Variants in ZNF84 observed in about 807,000 individuals in gnomAD.
ZNF84 encodes zinc finger protein 84.
ZNF84 carries 12 observed loss-of-function variants against 14.8 expected under a neutral mutation model. The ratio of observed to expected loss-of-function variants is 0.81; its 90% confidence interval spans 0.52 to 1.31. ZNF84 has a LOEUF of 1.31. Ranked by LOEUF, ZNF84 falls within the 50% of genes most tolerant of loss-of-function variation. The probability of loss-of-function intolerance (pLI) is 0.00; values close to 1 mark genes in which losing one functional copy is unlikely to be tolerated. For synonymous variants in ZNF84, 347 were observed against 291.1 expected (o/e 1.19, Z -1.96); for missense variants, 859 against 878.6 (o/e 0.98, Z 0.28).
chr12:133,051,123 TG>T (rs369511742), intron 4 of ZNF84, among the ~76,000 whole-genome samples: 10 of 149,578 alleles, frequency 6.7e-5, no homozygotes, highest in South Asian at 2.1e-4. Context: ...TTTTTTTTTT[TG>T]TTTTATGTGG....
In ZNF84 at chr12:133,058,571, G is replaced by C; in HGVS notation, c.1856G>C (p.Arg619Thr). 6.2e-7 allele frequency: 1 copy of C among 1,614,028 alleles called. No individual in the cohort carries two copies. The highest frequency in any genetic ancestry group is 8.5e-7 in the Non-Finnish European group (1 of 1,179,986). The change falls in exon 5 of 5, where the codon AGA becomes ACA. Residue 619 changes from arginine (R) to threonine (T), a missense_variant. Coordinates refer to ENST00000539354, the MANE Select transcript of ZNF84 (RefSeq NM_001289971.2). Reference sequence around the variant, plus strand: ...AAGTCGGAGCTAATTAGACATCTGAGAACTCATACAGGAGAAAAACCTTAT... The same window carrying C: ...AAGTCGGAGCTAATTAGACATCTGACAACTCATACAGGAGAAAAACCTTAT... Reference protein sequence around the residue: ...FEKSELIRHLRTHTGEKPYEC... With the variant: ...FEKSELIRHLTTHTGEKPYEC...
At chr12:133,056,150 TTTTC>T (rs1954153735) in intron 4 of ZNF84, among the ~76,000 whole-genome samples, 1 of 152,230 alleles carries the variant, frequency 6.6e-6, no homozygotes, top group Non-Finnish European at 1.5e-5. Flanking sequence ...AATATTTTCA[TTTTC>T]TTCTTAGTAT....
chr12:133,050,958 G>T (rs1188871134), intron 4 of ZNF84, among the ~76,000 whole-genome samples: 5 of 152,156 alleles, frequency 3.3e-5, no homozygotes, highest in African/African-American at 1.2e-4. Context: ...GTCTTGGTCT[G>T]TTGCCCAGGT....
intron 2 of ZNF84, among the ~76,000 whole-genome samples, chr12:133,047,141 T>C (rs1277214758): frequency 2.0e-5 from 3 of 151,702 alleles, no homozygotes; most frequent in Non-Finnish European, 4.4e-5. Context: ...AGTGCCAAAT[T>C]TGAGGTTCAG....
rs1954183146 is a variant in ZNF84 at position 133,057,611 on chromosome 12, C to T, written c.896C>T (p.Ala299Val). The change falls in exon 5 of 5, where the codon GCC becomes GTC. Residue 299 changes from alanine to valine, a missense_variant. Ala to Val is a moderately conservative substitution (Grantham distance 64). Transcript: ENST00000539354. ...TATGAGTGTGGTGAATGTGGGAAAGCCTTCTCCCGGAAGTCACATCTCATA... is the reference window on the plus strand; with the variant it reads ...TATGAGTGTGGTGAATGTGGGAAAGTCTTCTCCCGGAAGTCACATCTCATA... ...KPYECGECGK[A>V]FSRKSHLISH... 2.5e-6 allele frequency: 4 copies of T among 1,614,040 alleles called. No homozygotes were observed. The highest frequency in any genetic ancestry group is 1.7e-5 in the Admixed American group (1 of 59,994).
intron 2 of ZNF84, among the ~76,000 whole-genome samples, chr12:133,043,503 ATTTCATTGGGAG>A (rs1953922186): frequency 6.6e-6 from 1 of 152,128 alleles, no homozygotes; most frequent in African/African-American, 2.4e-5. Context: ...TAGATGGATT[ATTTCATTGGGAG>A]TTGCAAAATG....
Position 133,057,904 on chromosome 12 carries a change from C to T in ZNF84, c.1189C>T (p.His397Tyr). The change falls in exon 5 of 5, where the codon CAT becomes TAT. Residue 397 changes from histidine to tyrosine, a missense_variant. Coordinates refer to ENST00000539354, the MANE Select transcript of ZNF84 (RefSeq NM_001289971.2). ...AGAGCTTATTAGACATCAGACAATTCATACTGGAGAGAAACCCTATGAATG... is the reference window on the plus strand; with the variant it reads ...AGAGCTTATTAGACATCAGACAATTTATACTGGAGAGAAACCCTATGAATG... Reference protein sequence around the residue: ...KSELIRHQTIHTGEKPYECSE... With the variant: ...KSELIRHQTIYTGEKPYECSE... 6.2e-7 allele frequency: 1 copy of T among 1,614,146 alleles called. No individual in the cohort carries two copies. The highest frequency in any genetic ancestry group is 1.3e-5 in the African/African-American group (1 of 75,058).
chr12:133,047,923 G>A, intron 2 of ZNF84, 32 bp from the exon 3 acceptor site: 4 of 1,612,050 alleles, frequency 2.5e-6, no homozygotes, highest in South Asian at 1.1e-5. Context: ...GGTGTTAACT[G>A]CTTCAGATTT....
chr12:133,050,180 C>T (rs1954048117), intron 4 of ZNF84, among the ~76,000 whole-genome samples: 1 of 152,174 alleles, frequency 6.6e-6, no homozygotes, highest in South Asian at 2.1e-4. Context: ...GGCATTAATG[C>T]CAGTGAAGGA....
At chr12:133,051,761 G>A (rs941602414) in intron 4 of ZNF84, among the ~76,000 whole-genome samples, 3 of 152,046 alleles carry the variant, frequency 2.0e-5, no homozygotes, top group Non-Finnish European at 2.9e-5. Context: ...ATACAGTCTC[G>A]GCATAGTAAT....
chr12:133,042,365 T>C (rs1004638607), intron 2 of ZNF84, among the ~76,000 whole-genome samples: 7 of 152,138 alleles, frequency 4.6e-5, no homozygotes, highest in Non-Finnish European at 7.4e-5. Context: ...GAAGGAAAAA[T>C]AAATACATGC....
At chr12:133,042,783 G>A in intron 2 of ZNF84, among the ~76,000 whole-genome samples, 1 of 152,190 alleles carries the variant, frequency 6.6e-6, no homozygotes, top group East Asian at 1.9e-4. Context: ...TAAACTGTAA[G>A]GCCTAATTTA....
chr12:133,060,046 A>G lies in ZNF84; in HGVS notation c.*1114A>G, dbSNP rs1454720690. On this transcript the variant is annotated 3_prime_UTR_variant, in exon 5 of 5. Coordinates refer to ENST00000539354, the MANE Select transcript of ZNF84 (RefSeq NM_001289971.2). ...AATAAAGGTGTGTGAACTACATTACAACACCCAAACTAAATGAAATAAAGT... is the reference window on the plus strand; with the variant it reads ...AATAAAGGTGTGTGAACTACATTACGACACCCAAACTAAATGAAATAAAGT... 1 of 152,236 alleles carries G rather than the reference A, an allele frequency of 6.6e-6. No homozygotes were observed. The highest frequency in any genetic ancestry group is 2.4e-5 in the African/African-American group (1 of 41,466). The allele number at this position is 152,236 out of a possible 1,614,324, so 9.4% of individuals were successfully genotyped here.
Position 133,058,020 on chromosome 12 carries a change from G to T in ZNF84, c.1305G>T (p.Gln435His). Residue 435 changes from glutamine (Q) to histidine (H), a missense_variant, in exon 5 of 5, where the codon CAG becomes CAT. By Grantham distance (24) the Gln-to-His change is conservative. Transcript: ENST00000539354. ...GAGAGAAACCTCATGGATGCATTCA[G>T]TGTGGGAAGGCCTTCTCCCAGAAGT... ...HTGEKPHGCIQCGKAFSQKSH... is the reference protein window; with the variant it reads ...HTGEKPHGCIHCGKAFSQKSH... 1.2e-6 allele frequency: 2 copies of T among 1,612,570 alleles called. No individual in the cohort carries two copies. Among genetic ancestry groups the T allele is most frequent in the Non-Finnish European group, 1.7e-6 (2 of 1,179,578 alleles).
chr12:133,045,553 C>A (rs1366005891), intron 2 of ZNF84, among the ~76,000 whole-genome samples: 1 of 150,864 alleles, frequency 6.6e-6, no homozygotes, highest in East Asian at 1.9e-4. Flanking sequence ...GTGGGAGGAT[C>A]ACCTGAGCCC....
chr12:133,043,031 A>G (rs1953913356), intron 2 of ZNF84, among the ~76,000 whole-genome samples: 1 of 149,476 alleles, frequency 6.7e-6, no homozygotes. Flanking sequence ...TAAACACTAT[A>G]TTTGATTTTG....
Position 133,058,008 on chromosome 12 carries a change from T to C in ZNF84, c.1293T>C (p.His431=), listed in dbSNP as rs1954192063. Residue 431 remains histidine (H), a synonymous_variant, in exon 5 of 5, where the codon CAT becomes CAC. Transcript: ENST00000539354. ...GAACACATACAGGAGAGAAACCTCA[T>C]GGATGCATTCAGTGTGGGAAGGCCT... ...HQRTHTGEKP[H]GCIQCGKAFS... The C allele has an allele frequency of 1.9e-6, 3 of 1,613,826 alleles. No individual in the cohort carries two copies. The highest frequency in any genetic ancestry group is 2.7e-5 in the African/African-American group (2 of 74,854).
At chr12:133,046,343 C>T (rs2137356831) in intron 2 of ZNF84, among the ~76,000 whole-genome samples, 1 of 122,064 alleles carries the variant, frequency 8.2e-6, no homozygotes, top group East Asian at 2.4e-4. Context: ...CTTCAGTCCT[C>T]ACAGTTTTTT....
In ZNF84 at chr12:133,042,024, T is replaced by C. The variant is rs73423875; in HGVS notation, c.15+542T>C. On this transcript the variant is annotated intron_variant, in intron 2 of 4. Coordinates refer to ENST00000539354, the MANE Select transcript of ZNF84 (RefSeq NM_001289971.2). Reference sequence around the variant, plus strand: ...GTAAGTTTTAAATTGCTTCCTGTTCTGAGTAGCATGATGAACTCTTGCACC... The same window carrying C: ...GTAAGTTTTAAATTGCTTCCTGTTCCGAGTAGCATGATGAACTCTTGCACC... Among the ~76,000 whole-genome samples, 338 of 152,342 alleles carry C rather than the reference T, an allele frequency of 2.2e-3. 2 individuals carry two copies. The highest frequency in any genetic ancestry group is 8.0e-3 in the African/African-American group (331 of 41,568).
Sources: gnomAD v4.1 joint callset for allele counts (sites outside exome capture counted in the v4.1 genomes callset) on GRCh38, gnomAD v4.1.1 for gene constraint, MANE v1.5 for transcripts, NCBI Gene and HGNC (gene_info 2026-07-23, HGNC 2026-07-21) for gene names.